Variants in NRG3 observed in about 807,000 individuals in gnomAD.
NRG3 encodes the protein neuregulin 3.
In NRG3, 31 loss-of-function variants were observed where a neutral mutation model predicts 66.9. The observed-to-expected ratio is 0.46, with a 90% CI of 0.35 to 0.63. The LOEUF is 0.63. NRG3 is among the 20% of genes least tolerant of loss of function. NRG3 has a pLI of 0.00. For synonymous variants in NRG3, 393 were observed against 359.4 expected (o/e 1.09, Z -1.06); for missense variants, 910 against 878.9 (o/e 1.04, Z -0.45).
intron 3 of NRG3, among the ~76,000 whole-genome samples, chr10:82,824,721 T>G (rs1007808983): frequency 6.6e-4 from 92 of 139,650 alleles, no homozygotes; most frequent in African/African-American, 2.5e-3. Context: ...TATAGACACT[T>G]TTTTTTTTTT....
intron 1 of NRG3, among the ~76,000 whole-genome samples, chr10:82,209,916 A>T (rs933412373): frequency 3.3e-5 from 5 of 152,130 alleles, no homozygotes; most frequent in African/African-American, 1.2e-4. Context: ...GAAATTTTCT[A>T]AGTAATGTAA....
Position 82,021,783 on chromosome 10 carries a change from A to AGT in NRG3, c.823+145621_823+145622dup, listed in dbSNP as rs1241988836. 6.3e-3 allele frequency among the ~76,000 whole-genome samples: 920 copies of AGT among 146,514 alleles called. 18 individuals are homozygous for AGT. The highest frequency in any genetic ancestry group is 0.023 in the African/African-American group (888 of 38,962). On this transcript the variant is annotated intron_variant, in intron 1 of 8. Transcript: ENST00000372141. ...AACTCTAATAAGCTTTTGGGCATGT[A>AGT]GTATGTGTGTGTGTGTGTGTGTGTG...
intron 1 of NRG3, among the ~76,000 whole-genome samples, chr10:82,153,180 C>A (rs1263802318): frequency 6.6e-6 from 1 of 152,004 alleles, no homozygotes; most frequent in Non-Finnish European, 1.5e-5. Flanking sequence ...AAACTTTTTA[C>A]CTTTTGGTCA....
At chr10:82,389,923 T>G (rs1302148333) in intron 2 of NRG3, among the ~76,000 whole-genome samples, 1 of 152,160 alleles carries the variant, frequency 6.6e-6, no homozygotes, top group Admixed American at 6.6e-5. Flanking sequence ...GACAGGCCTA[T>G]TAGAGCGGCT....
intron 1 of NRG3, among the ~76,000 whole-genome samples, chr10:81,892,528 A>G (rs571588000): frequency 1.3e-5 from 2 of 152,238 alleles, no homozygotes; most frequent in Admixed American, 1.3e-4. Context: ...CCTATTGTAA[A>G]TATACCTCAA....
intron 1 of NRG3, among the ~76,000 whole-genome samples, chr10:82,255,297 C>T (rs879571228): frequency 2.0e-5 from 3 of 152,056 alleles, no homozygotes; most frequent in Non-Finnish European, 4.4e-5. Flanking sequence ...TTGACACAGC[C>T]AAGGGGAGGC....
intron 3 of NRG3, among the ~76,000 whole-genome samples, chr10:82,794,109 G>C (rs1008141470): frequency 6.6e-6 from 1 of 152,038 alleles, no homozygotes; most frequent in African/African-American, 2.4e-5. Context: ...TTATCTCTCT[G>C]ATTTTCTATT....
chr10:82,442,680 G>T (rs1172230040), intron 2 of NRG3, among the ~76,000 whole-genome samples: 1 of 149,312 alleles, frequency 6.7e-6, no homozygotes, highest in Non-Finnish European at 1.5e-5. Flanking sequence ...AATAGTCAGA[G>T]TCTACACATT....
chr10:82,596,775 C>T (rs756649931), intron 2 of NRG3, among the ~76,000 whole-genome samples: 7 of 152,082 alleles, frequency 4.6e-5, no homozygotes, highest in Non-Finnish European at 8.8e-5. Flanking sequence ...AGTGCAAATC[C>T]GGCAGTATGG....
At chr10:81,960,146 A>T (rs79954734) in intron 1 of NRG3, among the ~76,000 whole-genome samples, 1,940 of 152,132 alleles carry the variant, frequency 0.013, 49 homozygotes, top group African/African-American at 0.045. Flanking sequence ...CCTTCTTCAC[A>T]TTGTTCACTT....
intron 3 of NRG3, among the ~76,000 whole-genome samples, chr10:82,785,490 T>C (rs112916447): frequency 2.0e-5 from 3 of 152,102 alleles, no homozygotes; most frequent in African/African-American, 4.8e-5. Context: ...ATTTAAACAG[T>C]AAAGGCTACT....
In NRG3 at chr10:82,140,623, T is replaced by G. The variant is rs369484943; in HGVS notation, c.824-218116T>G. 5.3e-5 allele frequency among the ~76,000 whole-genome samples: 8 copies of G among 152,180 alleles called. 1 individual carries two copies. Among genetic ancestry groups the G allele is most frequent in the African/African-American group, 1.9e-4 (8 of 41,526 alleles). ...GACTCACATCTTTAGTCCCAGGTAC[T>G]TAGGAGGGTAAGGCTAGATGATCGC... On this transcript the variant is annotated intron_variant, in intron 1 of 8. Coordinates refer to ENST00000372141, the MANE Select transcript of NRG3 (RefSeq NM_001010848.4).
At chr10:82,286,156 GA>G (rs1289537317) in intron 1 of NRG3, among the ~76,000 whole-genome samples, 1 of 152,178 alleles carries the variant, frequency 6.6e-6, no homozygotes, top group Non-Finnish European at 1.5e-5. Flanking sequence ...GGAAGGGTAA[GA>G]GTCTAAGAAA....
intron 1 of NRG3, among the ~76,000 whole-genome samples, chr10:82,096,720 A>T (rs2066368446): frequency 1.3e-5 from 2 of 152,192 alleles, no homozygotes; most frequent in African/African-American, 4.8e-5. Context: ...ACAGGCATAT[A>T]TAACCACAGC....
intron 3 of NRG3, among the ~76,000 whole-genome samples, chr10:82,839,879 T>A (rs778827367): frequency 6.2e-4 from 95 of 152,160 alleles, no homozygotes; most frequent in Admixed American, 1.5e-3. Context: ...TGCTGATTTA[T>A]ATCTATCTAT....
intron 4 of NRG3, among the ~76,000 whole-genome samples, chr10:82,934,759 G>C (rs1847901434): frequency 6.6e-6 from 1 of 152,146 alleles, no homozygotes; most frequent in Non-Finnish European, 1.5e-5. Flanking sequence ...CCTCTGTTTA[G>C]GTAAAAGAGA....
intron 1 of NRG3, among the ~76,000 whole-genome samples, chr10:82,066,618 T>C (rs12251461): frequency 0.029 from 4,479 of 152,250 alleles, 225 homozygotes; most frequent in African/African-American, 0.1. Flanking sequence ...ACACAATATT[T>C]AAAATTCTAT....
intron 3 of NRG3, among the ~76,000 whole-genome samples, chr10:82,848,081 A>T (rs999070890): frequency 6.6e-6 from 1 of 152,208 alleles, no homozygotes; most frequent in African/African-American, 2.4e-5. Context: ...GAATGGATAA[A>T]TTGGCCTTTG....
chr10:82,643,917 C>T (rs2050760672), intron 2 of NRG3, among the ~76,000 whole-genome samples: 1 of 151,714 alleles, frequency 6.6e-6, no homozygotes, highest in South Asian at 2.1e-4. Flanking sequence ...CACACACACA[C>T]ACACACGAGA....
Sources: gnomAD v4.1 joint callset for allele counts (sites outside exome capture counted in the v4.1 genomes callset) on GRCh38, gnomAD v4.1.1 for gene constraint, MANE v1.5 for transcripts, NCBI Gene and HGNC (gene_info 2026-07-23, HGNC 2026-07-21) for gene names.